ADAMTSL1: variants seen among roughly 807,000 people sequenced by gnomAD.
ADAMTSL1 encodes the protein ADAMTS-like protein 1.
In ADAMTSL1, 126 loss-of-function variants were observed where a neutral mutation model predicts 201.8. The ratio of observed to expected loss-of-function variants is 0.62; its 90% CI spans 0.54 to 0.72. The LOEUF (loss-of-function observed/expected upper bound fraction) is 0.72, where lower values mean the gene tolerates loss of function less well. ADAMTSL1 is among the 30% of genes least tolerant of loss of function. ADAMTSL1 has a pLI of 0.00. For synonymous variants in ADAMTSL1, 1,121 were observed against 903.4 expected, an observed-to-expected ratio of 1.24 and a Z score of -4.32; for missense variants, 2,679 against 2,277.8, an observed-to-expected ratio of 1.18 and a Z score of -3.59.
chr9:18,651,409 C>G (rs952715744), intron 7 of ADAMTSL1: 2 of 152,190 alleles, frequency 1.3e-5, no homozygotes, highest in Non-Finnish European at 2.9e-5. Context: ...GGTACATATT[C>G]TGGTTTTGCT....
chr9:18,849,945 G>A (rs757366190), intron 23 of ADAMTSL1, among the ~76,000 whole-genome samples: 22 of 152,310 alleles, frequency 1.4e-4, no homozygotes, highest in Admixed American at 6.5e-4. Flanking sequence ...TGTCATTTCA[G>A]AGGGCATTTA....
chr9:18,155,904 T>C (rs1587178387), intron 1 of ADAMTSL1, among the ~76,000 whole-genome samples: 3 of 152,022 alleles, frequency 2.0e-5, no homozygotes, highest in Non-Finnish European at 1.5e-5. Flanking sequence ...ATACAAGAGA[T>C]TTACTGGGAA....
chr9:18,172,313 T>G, intron 2 of ADAMTSL1, among the ~76,000 whole-genome samples: 1 of 151,962 alleles, frequency 6.6e-6, no homozygotes, highest in East Asian at 1.9e-4. Context: ...CTTAAAAAGA[T>G]GAACAGCCCA....
chr9:18,052,300 A>T (rs1821974071), intron 1 of ADAMTSL1, among the ~76,000 whole-genome samples: 1 of 152,246 alleles, frequency 6.6e-6, no homozygotes, highest in Non-Finnish European at 1.5e-5. Context: ...AAATGCCCTG[A>T]AGTGAAAGAA....
intron 1 of ADAMTSL1, among the ~76,000 whole-genome samples, chr9:18,010,470 C>A (rs1361889719): frequency 1.3e-5 from 2 of 151,976 alleles, no homozygotes; most frequent in Non-Finnish European, 2.9e-5. Context: ...CTGTAAAATA[C>A]TTCACTTGGT....
intron 1 of ADAMTSL1, among the ~76,000 whole-genome samples, chr9:17,921,583 G>T (rs917199112): frequency 1.3e-5 from 2 of 152,052 alleles, no homozygotes; most frequent in African/African-American, 4.8e-5. Context: ...TCCTGATCCA[G>T]TTCCCAATCT....
intron 2 of ADAMTSL1, among the ~76,000 whole-genome samples, chr9:18,517,223 C>G (rs1196218606): frequency 1.3e-5 from 2 of 152,116 alleles, no homozygotes; most frequent in African/African-American, 2.4e-5. Flanking sequence ...GCTAGTGGAT[C>G]TTAAGCCAAA....
At chr9:18,000,521 C>G (rs1382149941) in intron 1 of ADAMTSL1, among the ~76,000 whole-genome samples, 1 of 151,950 alleles carries the variant, frequency 6.6e-6, no homozygotes, top group Admixed American at 6.6e-5. Context: ...CAAATGAGAT[C>G]CTTTCTCTCT....
chr9:18,668,067 G>T (rs2133071382), intron 9 of ADAMTSL1, among the ~76,000 whole-genome samples: 1 of 151,764 alleles, frequency 6.6e-6, no homozygotes, highest in African/African-American at 2.4e-5. Flanking sequence ...GACAAGAAAT[G>T]GTTGACTTAT....
chr9:18,899,130 G>T (rs1438930781), intron 26 of ADAMTSL1, among the ~76,000 whole-genome samples: 1 of 152,052 alleles, frequency 6.6e-6, no homozygotes, highest in Non-Finnish European at 1.5e-5. Flanking sequence ...TGCAAAAATT[G>T]CTGGCATTCC....
chr9:17,986,636 T>C (rs999613063), intron 1 of ADAMTSL1, among the ~76,000 whole-genome samples: 2 of 152,146 alleles, frequency 1.3e-5, no homozygotes, highest in African/African-American at 4.8e-5. Context: ...TTTAAAATTA[T>C]GCTATATGTC....
At chr9:18,691,984 C>G (rs970702282) in intron 13 of ADAMTSL1, among the ~76,000 whole-genome samples, 5 of 152,110 alleles carry the variant, frequency 3.3e-5, no homozygotes, top group African/African-American at 1.2e-4. Context: ...GAAATTGAGG[C>G]AGCTGTTGTA....
intron 1 of ADAMTSL1, among the ~76,000 whole-genome samples, chr9:18,096,592 T>A (rs1824263233): frequency 1.3e-5 from 2 of 152,260 alleles, no homozygotes; most frequent in Non-Finnish European, 2.9e-5. Context: ...TTCTTCAGAA[T>A]GGACTCATAG....
At chr9:18,408,990 AT>A (rs1008098777) in intron 2 of ADAMTSL1, among the ~76,000 whole-genome samples, 4 of 152,136 alleles carry the variant, frequency 2.6e-5, no homozygotes, top group African/African-American at 9.7e-5. Flanking sequence ...ACACCTGAAG[AT>A]TTTTTTCCTG....
chr9:18,743,272 ATAATTGG>A (rs1818946385), intron 15 of ADAMTSL1, among the ~76,000 whole-genome samples: 6 of 152,174 alleles, frequency 3.9e-5, no homozygotes, highest in Admixed American at 3.9e-4. Flanking sequence ...GACACTTTAT[ATAATTGG>A]ACCTAGTTTT....
intron 1 of ADAMTSL1, among the ~76,000 whole-genome samples, chr9:18,105,806 A>G (rs1223895818): frequency 6.6e-6 from 1 of 152,190 alleles, no homozygotes; most frequent in African/African-American, 2.4e-5. Context: ...CCTTTTGGGA[A>G]AACCATACTG....
chr9:18,836,398 T>C (rs920687357), intron 23 of ADAMTSL1, among the ~76,000 whole-genome samples: 2 of 152,164 alleles, frequency 1.3e-5, no homozygotes, highest in Non-Finnish European at 2.9e-5. Flanking sequence ...ACTCTGTTGA[T>C]AGTTGCTTTT....
At chr9:18,558,917 A>G (rs1019357626) in intron 3 of ADAMTSL1, among the ~76,000 whole-genome samples, 4 of 152,162 alleles carry the variant, frequency 2.6e-5, no homozygotes, top group African/African-American at 9.7e-5. Context: ...GCCCTTTGTC[A>G]GATGAATAGA....
intron 2 of ADAMTSL1, among the ~76,000 whole-genome samples, chr9:18,222,295 G>A (rs1285071271): frequency 1.3e-5 from 2 of 151,304 alleles, no homozygotes; most frequent in Non-Finnish European, 3.0e-5. Context: ...ATTGTCATTT[G>A]GATTCATATT....
Sources: gnomAD v4.1 joint callset for allele counts (sites outside exome capture counted in the v4.1 genomes callset) on GRCh38, gnomAD v4.1.1 for gene constraint, MANE v1.5 for transcripts, NCBI Gene and HGNC (gene_info 2026-07-23, HGNC 2026-07-21) for gene names.